Variants in KCNK13 observed in about 807,000 individuals in gnomAD.
The protein encoded by KCNK13 is potassium channel subfamily K member 13.
KCNK13 carries 12 observed loss-of-function variants against 23.4 expected under a neutral mutation model. The ratio of observed to expected loss-of-function variants is 0.51; its 90% CI spans 0.33 to 0.83. The LOEUF (loss-of-function observed/expected upper bound fraction) is 0.83. Among genes scored for constraint, KCNK13 ranks in the 40% least tolerant of loss-of-function variants. The probability of loss-of-function intolerance (pLI) is 0.02; values close to 1 mark genes in which losing one functional copy is unlikely to be tolerated. For synonymous variants in KCNK13, 231 were observed against 229.5 expected, an observed-to-expected ratio of 1.01 and a Z score of -0.06; for missense variants, 463 against 556.3, an observed-to-expected ratio of 0.83 and a Z score of 1.69.
chr14:90,184,855 T>G lies in KCNK13; in HGVS notation c.1079T>G (p.Leu360Trp), dbSNP rs1890531340. Residue 360 changes from leucine to tryptophan, a missense_variant, in exon 2 of 2, where the codon TTG becomes TGG. Around this residue, in one of 3 missense-constraint regions of KCNK13, gnomAD observed 166 missense variants for 178.8 expected, o/e 0.93. Coordinates refer to ENST00000282146, the MANE Select transcript of KCNK13 (RefSeq NM_022054.4). This position sits in a 1 kb window ranked among gnomAD's most constrained non-coding sequence, Gnocchi z 5.6. ...KDLLAANKAS[L>W]AILQKQLSEM... ...TTGCTGGCAGCCAACAAGGCCTCGTTGGCCATCCTGCAGAAGCAACTGTCT... is the reference window on the plus strand; with the variant it reads ...TTGCTGGCAGCCAACAAGGCCTCGTGGGCCATCCTGCAGAAGCAACTGTCT... 1 of 1,613,656 alleles carries G rather than the reference T, an allele frequency of 6.2e-7. No individual in the cohort carries two copies. Among genetic ancestry groups the G allele is most frequent in the South Asian group, 1.1e-5 (1 of 91,076 alleles).
rs1163471864 is a variant in KCNK13, at chr14:90,184,290, C to T, written c.514C>T (p.Pro172Ser). Residue 172 changes from proline to serine, a missense_variant, in exon 2 of 2, where the codon CCC becomes TCC. Coordinates refer to ENST00000282146, the MANE Select transcript of KCNK13 (RefSeq NM_022054.4). This position sits in a 1 kb window ranked among gnomAD's most constrained non-coding sequence, Gnocchi z 5.6. ...QRQLRRRGAL[P>S]QESLKDAGQC... The stretch of plus-strand genomic sequence containing the variant: ...GCAGCTCCGGAGACGAGGGGCCCTG[C>T]CCCAGGAGAGCCTGAAGGATGCGGG... 1.2e-6 allele frequency: 2 copies of T among 1,614,260 alleles called. No individual in the cohort carries two copies. The highest frequency in any genetic ancestry group is 2.7e-5 in the African/African-American group (2 of 75,078).
At position 90,062,577 on chromosome 14, in the gene KCNK13, C is replaced by A. The variant is rs1341516721; in HGVS notation, c.334+38C>A. ...GCCGGACTCGCTGACAACCTCCGGG[C>A]GGCCTCCACTTCCTCCGGGGGGCAG... On this transcript the variant is annotated intron_variant, in intron 1 of 1. Transcript: ENST00000282146. The surrounding 1 kb of genome is among the most constrained non-coding windows in gnomAD (Gnocchi z 4.5). 7.1e-7 allele frequency: 1 copy of A among 1,408,682 alleles called. No homozygotes were observed. The highest frequency in any genetic ancestry group is 2.9e-5 in the Admixed American group (1 of 34,842). The allele number at this position is 1,408,682 out of a possible 1,614,324, so 87.3% of individuals were successfully genotyped here.
intron 1 of KCNK13, among the ~76,000 whole-genome samples, chr14:90,085,739 T>G (rs1299017333): frequency 2.2e-5 from 3 of 136,180 alleles, no homozygotes; most frequent in Non-Finnish European, 4.6e-5. Flanking sequence ...ATATATATAC[T>G]TATATAATTA....
chr14:90,121,422 T>A (rs1889737647), intron 1 of KCNK13, among the ~76,000 whole-genome samples: 1 of 152,188 alleles, frequency 6.6e-6, no homozygotes, highest in Non-Finnish European at 1.5e-5. Context: ...GGGATGTTGT[T>A]ACGCCGTGGC....
chr14:90,065,172 C>A (rs1888993768), intron 1 of KCNK13, among the ~76,000 whole-genome samples: 1 of 152,082 alleles, frequency 6.6e-6, no homozygotes, highest in Non-Finnish European at 1.5e-5. Flanking sequence ...TTCTATAAAC[C>A]ACTCATATCT....
intron 1 of KCNK13, among the ~76,000 whole-genome samples, chr14:90,067,383 C>T (rs1016446238): frequency 1.3e-5 from 2 of 152,200 alleles, no homozygotes; most frequent in East Asian, 1.9e-4. Flanking sequence ...CATATGATTC[C>T]ATTTATATGA....
At chr14:90,139,956 C>A (rs116762295) in intron 1 of KCNK13, among the ~76,000 whole-genome samples, 1 of 152,008 alleles carries the variant, frequency 6.6e-6, no homozygotes, top group Non-Finnish European at 1.5e-5. Flanking sequence ...AGCGAGAGTA[C>A]GTCTCAAAAA....
intron 1 of KCNK13, among the ~76,000 whole-genome samples, chr14:90,152,207 T>G (rs1890141207): frequency 6.6e-6 from 1 of 152,192 alleles, no homozygotes; most frequent in South Asian, 2.1e-4. Flanking sequence ...AAGGGCAGTT[T>G]CCCTGCACAC....
intron 1 of KCNK13, among the ~76,000 whole-genome samples, chr14:90,109,370 T>C (rs1889586502): frequency 6.6e-6 from 1 of 151,948 alleles, no homozygotes; most frequent in Non-Finnish European, 1.5e-5. Flanking sequence ...CAGTGAGACA[T>C]TTGGAAGTTG....
At chr14:90,141,487 C>T (rs183550000) in intron 1 of KCNK13, among the ~76,000 whole-genome samples, 3 of 151,734 alleles carry the variant, frequency 2.0e-5, no homozygotes, top group East Asian at 1.9e-4. Flanking sequence ...GATAGAGTTT[C>T]GCTCTCGTTG....
At chr14:90,118,534 T>C (rs1448601580) in intron 1 of KCNK13, among the ~76,000 whole-genome samples, 1 of 152,236 alleles carries the variant, frequency 6.6e-6, no homozygotes, top group African/African-American at 2.4e-5. Flanking sequence ...TTTCCACCTT[T>C]TGGCTTTTAT....
At chr14:90,174,868 A>C (rs1890405705) in intron 1 of KCNK13, among the ~76,000 whole-genome samples, 1 of 151,884 alleles carries the variant, frequency 6.6e-6, no homozygotes, top group Non-Finnish European at 1.5e-5. Flanking sequence ...AAATTAAATA[A>C]ATAAATAAAT....
At chr14:90,127,817 T>TAAAAAAAAAAATAAA (rs1889820199) in intron 1 of KCNK13, among the ~76,000 whole-genome samples, 1 of 85,156 alleles carries the variant, frequency 1.2e-5, no homozygotes, top group African/African-American at 4.9e-5. Flanking sequence ...AGATGCTATC[T>TAAAAAAAAAAATAAA]AAAAAAAAAA....
Position 90,184,715 on chromosome 14 carries a change from G to A in KCNK13, c.939G>A (p.Val313=), listed in dbSNP as rs1890528587. The change falls in exon 2 of 2, where the codon GTG becomes GTA. Residue 313 remains valine, a synonymous_variant. Transcript: ENST00000282146. The surrounding 1 kb of genome is among the most constrained non-coding windows in gnomAD (Gnocchi z 5.6). The part of the protein sequence containing the change: ...QRGLLRSRRN[V]VMPGSVRNRC... ...GACTCTTGCGATCACGCAGGAACGT[G>A]GTGATGCCAGGCAGCGTCCGGAACC... 1.2e-6 allele frequency: 2 copies of A among 1,614,104 alleles called. No homozygotes were observed. The highest frequency in any genetic ancestry group is 1.1e-5 in the South Asian group (1 of 91,094).
rs190595990 is a variant in KCNK13, at chr14:90,111,554, T to C, written c.334+49015T>C. Among the ~76,000 whole-genome samples the C allele has an allele frequency of 8.7e-4, 133 of 152,226 alleles. 3 individuals are homozygous for C. Among genetic ancestry groups the C allele is most frequent in the Middle Eastern group, 3.4e-3 (1 of 294 alleles). ...AGTCTGGCAGTGGGAGAGGACAGTA[T>C]GGAAGACAGTGAAATGTTCGCTTTT... On this transcript the variant is annotated intron_variant, in intron 1 of 1. Transcript: ENST00000282146.
At chr14:90,105,702 T>C (rs1889536344) in intron 1 of KCNK13, among the ~76,000 whole-genome samples, 1 of 151,862 alleles carries the variant, frequency 6.6e-6, no homozygotes, top group Non-Finnish European at 1.5e-5. Context: ...TGAATCCAAC[T>C]CTAAACAGAC....
In KCNK13 at chr14:90,085,583, C is replaced by T. The variant is rs1004652083; in HGVS notation, c.334+23044C>T. Among the ~76,000 whole-genome samples the T allele has an allele frequency of 4.0e-5, 6 of 149,750 alleles. No individual in the cohort carries two copies. The East Asian group carries it at 7.9e-4, about 20-fold the overall frequency. On this transcript the variant is annotated intron_variant, in intron 1 of 1. Transcript: ENST00000282146. The stretch of plus-strand genomic sequence containing the variant: ...CTGAAGCAGGAGAATCATTTGAACC[C>T]GGGAGGCGGAGGTTGCAGTGAGCTG...
At chr14:90,153,825 T>C (rs555917578) in intron 1 of KCNK13, among the ~76,000 whole-genome samples, 2 of 152,188 alleles carry the variant, frequency 1.3e-5, no homozygotes, top group Non-Finnish European at 2.9e-5. Context: ...CAGCCACAGC[T>C]CTATGTCCTG....
chr14:90,134,170 C>T (rs981298346), intron 1 of KCNK13, among the ~76,000 whole-genome samples: 4 of 149,702 alleles, frequency 2.7e-5, no homozygotes, highest in African/African-American at 7.3e-5. Context: ...GTGAGCTGTG[C>T]GTGCCTCTGC....
Sources: gnomAD v4.1 joint callset for allele counts (sites outside exome capture counted in the v4.1 genomes callset) on GRCh38, gnomAD v4.1.1 for gene constraint, gnomAD v4.1.1 regional missense constraint, Gnocchi (gnomAD v3.1) non-coding constraint, MANE v1.5 for transcripts, NCBI Gene and HGNC (gene_info 2026-07-23, HGNC 2026-07-21) for gene names.